NINL: variants seen among roughly 807,000 people sequenced by gnomAD.
NINL encodes ninein like.
In NINL, 153 loss-of-function variants were observed where a neutral mutation model predicts 160.3. The ratio of observed to expected loss-of-function variants is 0.95; its 90% CI spans 0.84 to 1.09. The LOEUF (loss-of-function observed/expected upper bound fraction) is 1.09, where lower values mean the gene tolerates loss of function less well. Ranked by LOEUF, NINL falls within the 50% of genes least tolerant of loss-of-function variation. The pLI is 0.00. For synonymous variants in NINL, 800 were observed against 734.8 expected, an observed-to-expected ratio of 1.09 and a Z score of -1.43; for missense variants, 1,829 against 1,764.0, an observed-to-expected ratio of 1.04 and a Z score of -0.66.
chr20:25,454,688 G>C (rs1289901249), intron 23 of NINL, among the ~76,000 whole-genome samples: 1 of 152,052 alleles, frequency 6.6e-6, no homozygotes, highest in Non-Finnish European at 1.5e-5. Flanking sequence ...TCCGTGGCCG[G>C]GCCTCTTCTG....
chr20:25,506,854 A>T (rs962113968), intron 5 of NINL, among the ~76,000 whole-genome samples: 6 of 152,218 alleles, frequency 3.9e-5, no homozygotes, highest in Non-Finnish European at 8.8e-5. Context: ...CGCAGATCTC[A>T]TGTTACTTCT....
chr20:25,509,988 C>T (rs138909683), intron 5 of NINL, among the ~76,000 whole-genome samples: 8 of 152,344 alleles, frequency 5.3e-5, no homozygotes, highest in East Asian at 3.9e-4. Flanking sequence ...TCCAGAAATG[C>T]GGTGAGGGAG....
intron 1 of NINL, among the ~76,000 whole-genome samples, chr20:25,577,158 G>A (rs543863689): frequency 5.9e-5 from 9 of 152,346 alleles, no homozygotes; most frequent in African/African-American, 2.2e-4. Context: ...GCCTTGGAGA[G>A]CAGTGACAAC....
chr20:25,467,510 T>C (rs764033390), intron 18 of NINL, 52 bp from the exon 19 acceptor site: 5 of 1,395,084 alleles, frequency 3.6e-6, no homozygotes, highest in Non-Finnish European at 5.1e-6. Flanking sequence ...AACCAGTGCC[T>C]TCTTTCCTGG....
chr20:25,452,810 A>T lies in NINL; in HGVS notation c.*641T>A, dbSNP rs1199213252. 7.8e-6 allele frequency: 1 copy of T among 127,898 alleles called. No individual in the cohort carries two copies. The highest frequency in any genetic ancestry group is 1.7e-5 in the Non-Finnish European group (1 of 60,002). 7.9% of individuals were successfully genotyped at this position (127,898 alleles called of 1,614,324 possible). On this transcript the variant is annotated 3_prime_UTR_variant, in exon 24 of 24. Coordinates refer to ENST00000278886, the MANE Select transcript of NINL (RefSeq NM_025176.6). Reference sequence around the variant, plus strand: ...GCATACATTTCAAATATAAAACTATACTTTTTTTTTTTTTTACATATAGTA... The same window carrying T: ...GCATACATTTCAAATATAAAACTATTCTTTTTTTTTTTTTTACATATAGTA...
At chr20:25,464,373 C>T (rs2062860367) in intron 19 of NINL, among the ~76,000 whole-genome samples, 1 of 152,146 alleles carries the variant, frequency 6.6e-6, no homozygotes, top group Non-Finnish European at 1.5e-5. Flanking sequence ...GCTGATATTG[C>T]ACCACTGCAC....
intron 1 of NINL, among the ~76,000 whole-genome samples, chr20:25,538,575 G>A (rs960664798): frequency 3.9e-5 from 6 of 152,176 alleles, no homozygotes; most frequent in East Asian, 1.9e-4. Context: ...ATATGTGGCT[G>A]GCCAACCATG....
intron 21 of NINL, 62 bp from the exon 22 acceptor site, chr20:25,458,591 C>A: frequency 6.9e-7 from 1 of 1,458,672 alleles, no homozygotes. Flanking sequence ...GAGGAGCACC[C>A]TCTCCATCCA....
chr20:25,489,118 G>T, intron 13 of NINL, 126 bp downstream of exon 13: 1 of 930,936 alleles, frequency 1.1e-6, no homozygotes, highest in Non-Finnish European at 1.7e-6. Flanking sequence ...GCAAGGCCAT[G>T]GTCAAGCATG....
At chr20:25,550,147 G>T (rs987595879) in intron 1 of NINL, among the ~76,000 whole-genome samples, 43 of 152,248 alleles carry the variant, frequency 2.8e-4, no homozygotes, top group African/African-American at 1.0e-3. Flanking sequence ...TTGGGAAGCT[G>T]CTGTAGGAAG....
At chr20:25,582,037 C>T (rs937075211) in intron 1 of NINL, among the ~76,000 whole-genome samples, 2 of 152,118 alleles carry the variant, frequency 1.3e-5, no homozygotes, top group African/African-American at 2.4e-5. Flanking sequence ...CGGGGTGGAT[C>T]ACGAGGTCAG....
intron 1 of NINL, among the ~76,000 whole-genome samples, chr20:25,533,444 G>A (rs186106594): frequency 6.6e-4 from 101 of 152,174 alleles, no homozygotes; most frequent in African/African-American, 2.3e-3. Context: ...CAAAACAAAC[G>A]TCAACAGCAG....
chr20:25,494,957 G>A (rs908286865), intron 10 of NINL, among the ~76,000 whole-genome samples: 3 of 152,200 alleles, frequency 2.0e-5, no homozygotes, highest in Admixed American at 2.0e-4. Flanking sequence ...CTTCACACAC[G>A]CACGCTCACT....
At chr20:25,534,185 T>C (rs1199599713) in intron 1 of NINL, among the ~76,000 whole-genome samples, 1 of 152,212 alleles carries the variant, frequency 6.6e-6, no homozygotes, top group Non-Finnish European at 1.5e-5. Flanking sequence ...CTCTTCAGCA[T>C]GCAGCATAAA....
At chr20:25,491,713 C>G (rs1380254218) in intron 10 of NINL, among the ~76,000 whole-genome samples, 188 bp from the exon 11 acceptor site, 1 of 152,226 alleles carries the variant, frequency 6.6e-6, no homozygotes, top group Non-Finnish European at 1.5e-5. Flanking sequence ...CCCTCACAGG[C>G]TGCTGGAGGT....
rs750994517 is a variant in NINL, at chr20:25,455,763, T to C, written c.3867A>G (p.Lys1289=). ...AQREEHEKQL[K]ATEERVEEAE... is the part of the protein sequence containing the mutation. ...CCTCTTCCACCCGCTCTTCTGTGGC[T>C]TTCAGCTGTTTCTCATGTTCTTCCT... The change falls in exon 23 of 24, where the codon AAA becomes AAG. Residue 1289 remains lysine (K), a synonymous_variant. Transcript: ENST00000278886. 3 of 1,614,010 alleles carry C rather than the reference T, an allele frequency of 1.9e-6. No individual in the cohort carries two copies. The highest frequency in any genetic ancestry group is 4.5e-5 in the East Asian group (2 of 44,886).
chr20:25,470,015 G>C lies in NINL; in HGVS notation c.3329C>G (p.Ala1110Gly), dbSNP rs2063054328. 2 of 1,614,146 alleles carry C rather than the reference G, an allele frequency of 1.2e-6. No homozygotes were observed. The highest frequency in any genetic ancestry group is 3.3e-5 in the Admixed American group (2 of 60,026). ...LGRVRQELEA[A>G]ESTHDAQRKE... is the part of the protein sequence containing the mutation. ...CCTCTGTGCATCGTGAGTACTTTCT[G>C]CAGCTTCAAGCTCTTGCCGAACCCT... The change falls in exon 18 of 24, where the codon GCA (alanine) becomes GGA (glycine). Residue 1110 changes from alanine (A) to glycine (G), a missense_variant. By Grantham distance (60) the Ala-to-Gly change is moderately conservative. Transcript: ENST00000278886.
rs373339718 is a variant in NINL, at chr20:25,512,961, C to T, written c.323G>A (p.Trp108Ter). 74 of 1,612,230 alleles carry T rather than the reference C, an allele frequency of 4.6e-5. No homozygotes were observed. The highest frequency in any genetic ancestry group is 6.1e-5 in the Non-Finnish European group (72 of 1,178,882). Residue 108 changes from tryptophan to a stop codon, truncating the protein, a stop_gained, in exon 4 of 24, where the codon TGG (tryptophan) becomes TAG (stop). Coordinates refer to ENST00000278886, the MANE Select transcript of NINL (RefSeq NM_025176.6). LOFTEE classifies it high-confidence loss of function. ...CTCAGGCCGGCTCCGACGGCCATAC[C>T]ACTTAGAACCATTCACATACTTTGG... ...IPPKYVNGSK[W>*]YGRRSRPELC...
At position 25,476,919 on chromosome 20, in the gene NINL, G is replaced by A. The variant is rs141954162; in HGVS notation, c.2372C>T (p.Ala791Val). The change falls in exon 17 of 24, where the codon GCG becomes GTG. Residue 791 changes from alanine to valine, a missense_variant. Transcript: ENST00000278886. ...LERALKLQPC[A>V]SEKRAQMCVS... ...GCACATCTGGGCGCGCTTCTCGCTC[G>A]CACAGGGCTGCAGCTTCAGTGCCCT... 5.2e-4 allele frequency: 836 copies of A among 1,612,124 alleles called. 1 individual carries two copies. The highest frequency in any genetic ancestry group is 2.2e-3 in the Admixed American group (133 of 59,966).
Sources: gnomAD v4.1 joint callset for allele counts (sites outside exome capture counted in the v4.1 genomes callset) on GRCh38, gnomAD v4.1.1 for gene constraint, MANE v1.5 for transcripts, NCBI Gene and HGNC (gene_info 2026-07-23, HGNC 2026-07-21) for gene names.